The following SGPL1 variants were observed in gnomAD, a reference collection of about 807,000 sequenced individuals.
SGPL1 encodes SP-lyase 1.
A neutral mutation model predicts 68.9 loss-of-function variants in SGPL1; 37 were observed. The observed-to-expected ratio is 0.54, with a 90% confidence interval of 0.41 to 0.71. The LOEUF (loss-of-function observed/expected upper bound fraction) is 0.71. Among genes scored for constraint, SGPL1 ranks in the 30% least tolerant of loss-of-function variants. The pLI is 0.00. For missense variants in SGPL1, 551 were observed against 704.6 expected (o/e 0.78, Z 2.47); for synonymous variants, 236 against 248.5 (o/e 0.95, Z 0.47).
intron 2 of SGPL1, among the ~76,000 whole-genome samples, chr10:70,832,692 G>A (rs973657914): frequency 9.9e-5 from 15 of 152,202 alleles, no homozygotes; most frequent in African/African-American, 3.4e-4. Flanking sequence ...TGCACAGTAA[G>A]TCATTTAGCT....
At position 70,880,883 on chromosome 10, in the gene SGPL1, G is replaced by A. The variant is rs1158606930; in HGVS notation, c.*3548G>A. On this transcript the variant is annotated 3_prime_UTR_variant, in exon 15 of 15. Transcript: ENST00000373202. ...GGAAGTCGTGTCTGGGGTGCTTATT[G>A]CTGCTCCATACAGCTGTACGTCAGC... 1 of 152,158 alleles carries A rather than the reference G, an allele frequency of 6.6e-6. No homozygotes were observed. The highest frequency in any genetic ancestry group is 1.5e-5 in the Non-Finnish European group (1 of 68,036). 9.4% of individuals were successfully genotyped at this position (152,158 alleles called of 1,614,324 possible). A position where few individuals can be genotyped will look rare whatever the true frequency, so the allele number is the denominator to read the frequency against.
At chr10:70,839,605 G>A (rs1845685076) in intron 2 of SGPL1, among the ~76,000 whole-genome samples, 1 of 152,048 alleles carries the variant, frequency 6.6e-6, no homozygotes, top group African/African-American at 2.4e-5. Flanking sequence ...TAAGCTAGTG[G>A]CCTTTGTGGA....
chr10:70,867,241 A>G (rs909539747), intron 7 of SGPL1, among the ~76,000 whole-genome samples: 8 of 152,128 alleles, frequency 5.3e-5, no homozygotes, highest in African/African-American at 1.9e-4. Context: ...GTGTTGGTCA[A>G]GGTTTACTGA....
chr10:70,865,208 GTTTC>G (rs1358215628), intron 7 of SGPL1, among the ~76,000 whole-genome samples: 1 of 132,538 alleles, frequency 7.5e-6, no homozygotes, highest in Non-Finnish European at 1.6e-5. Context: ...CTGTTTCACT[GTTTC>G]TTTTTTTTTT....
intron 7 of SGPL1, 34 bp from the exon 8 acceptor site, chr10:70,868,311 T>A (rs765449323): frequency 1.3e-6 from 2 of 1,498,178 alleles, no homozygotes; most frequent in South Asian, 2.4e-5. Flanking sequence ...CATTCCTGAC[T>A]CCCCCAACAG....
chr10:70,870,722 A>T (rs547830182), intron 9 of SGPL1, among the ~76,000 whole-genome samples: 1 of 152,222 alleles, frequency 6.6e-6, no homozygotes, highest in Non-Finnish European at 1.5e-5. Flanking sequence ...AGACTGAAGT[A>T]GCATACTCAG....
At chr10:70,836,836 C>T (rs879863111) in intron 2 of SGPL1, among the ~76,000 whole-genome samples, 12 of 152,070 alleles carry the variant, frequency 7.9e-5, no homozygotes, top group Admixed American at 7.9e-4. Context: ...AGGGGATCCT[C>T]CTGCCTTAGC....
intron 8 of SGPL1, 125 bp from the exon 9 acceptor site, chr10:70,869,667 C>T: frequency 1.4e-6 from 1 of 724,120 alleles, no homozygotes; most frequent in Non-Finnish European, 2.3e-6. Flanking sequence ...GCAGTCTAAA[C>T]ACTTAAATTT....
intron 3 of SGPL1, among the ~76,000 whole-genome samples, chr10:70,846,030 A>G (rs1264797616): frequency 1.3e-5 from 2 of 152,208 alleles, no homozygotes; most frequent in East Asian, 3.8e-4. Flanking sequence ...GGCGCAGTAA[A>G]CATTGCAAAA....
At chr10:70,847,797 C>T (rs766851154) in intron 3 of SGPL1, among the ~76,000 whole-genome samples, 2 of 152,166 alleles carry the variant, frequency 1.3e-5, no homozygotes, top group African/African-American at 2.4e-5. Context: ...AGCACTTGCT[C>T]ACTTGCCATG....
rs556396492 is a variant in SGPL1 at position 70,840,835 on chromosome 10, A to G, written c.28-3638A>G. Among the ~76,000 whole-genome samples, 28 of 152,288 alleles carry G rather than the reference A, an allele frequency of 1.8e-4. No individual in the cohort carries two copies. The South Asian group carries it at 4.1e-3, about 23-fold the overall frequency. ...CTTAATTTTAAGGCTTTTAAAAATT[A>G]GTTTGCATTTGCTGGTTCTTTGCTG... On this transcript the variant is annotated intron_variant, in intron 2 of 14. Transcript: ENST00000373202.
chr10:70,849,491 C>A (rs1349005176), intron 3 of SGPL1, among the ~76,000 whole-genome samples: 1 of 152,166 alleles, frequency 6.6e-6, no homozygotes, highest in Non-Finnish European at 1.5e-5. Flanking sequence ...TAACCACAAA[C>A]AAGTGGTTTC....
At chr10:70,871,227 G>A in intron 10 of SGPL1, 81 bp downstream of exon 10, 1 of 941,678 alleles carries the variant, frequency 1.1e-6, no homozygotes, top group Non-Finnish European at 1.6e-6. Context: ...TTGGCAAATA[G>A]AAGCGATTTT....
intron 2 of SGPL1, among the ~76,000 whole-genome samples, chr10:70,831,439 TCTGA>T (rs1265293797): frequency 2.0e-5 from 3 of 152,212 alleles, no homozygotes; most frequent in Admixed American, 2.0e-4. Flanking sequence ...CTTCAAAATG[TCTGA>T]CTGACTGTCT....
chr10:70,872,389 A>G (rs1165063300), intron 11 of SGPL1, among the ~76,000 whole-genome samples: 1 of 152,220 alleles, frequency 6.6e-6, no homozygotes, highest in South Asian at 2.1e-4. Flanking sequence ...GCTGCTGTGC[A>G]ACTGGGCTCC....
intron 2 of SGPL1, among the ~76,000 whole-genome samples, chr10:70,829,021 C>T (rs1845487555): frequency 6.6e-6 from 1 of 152,130 alleles, no homozygotes; most frequent in Non-Finnish European, 1.5e-5. Context: ...AGTCTGCTCC[C>T]TGTCTGGCTG....
chr10:70,868,949 T>C (rs1223196169), intron 8 of SGPL1, among the ~76,000 whole-genome samples: 1 of 152,196 alleles, frequency 6.6e-6, no homozygotes, highest in African/African-American at 2.4e-5. Context: ...AATTTGATGT[T>C]TAGTTACATT....
intron 8 of SGPL1, 46 bp from the exon 9 acceptor site, chr10:70,869,746 T>A: frequency 7.1e-7 from 1 of 1,414,332 alleles, no homozygotes; most frequent in Non-Finnish European, 9.9e-7. Flanking sequence ...GTGTTTTCTA[T>A]TATTTTGGCC....
At chr10:70,818,375 C>T (rs538208692) in intron 2 of SGPL1, among the ~76,000 whole-genome samples, 1 of 152,338 alleles carries the variant, frequency 6.6e-6, no homozygotes, top group South Asian at 2.1e-4. Flanking sequence ...CTGCCTTGGT[C>T]TCCCAAAGTG....
Sources: allele counts gnomAD v4.1 joint callset (sites outside exome capture counted in the v4.1 genomes callset), GRCh38; gene constraint gnomAD v4.1.1; transcripts MANE v1.5; gene names NCBI Gene and HGNC (gene_info 2026-07-23, HGNC 2026-07-21).